Variants in IL15 observed in about 807,000 individuals in gnomAD.
IL15 encodes interleukin 15.
In IL15, 11 loss-of-function variants were observed where a neutral mutation model predicts 19.6. The ratio of observed to expected loss-of-function variants is 0.56; its 90% CI spans 0.35 to 0.93. IL15 has a LOEUF of 0.93. IL15 is among the 40% of genes least tolerant of loss of function. The pLI is 0.01. For missense variants in IL15, 197 were observed against 186.5 expected (o/e 1.06, Z -0.33); for synonymous variants, 58 against 59.6 (o/e 0.97, Z 0.12).
intron 2 of IL15, among the ~76,000 whole-genome samples, chr4:141,690,868 A>G (rs932633667): frequency 1.3e-5 from 2 of 152,112 alleles, no homozygotes; most frequent in Admixed American, 6.5e-5. Flanking sequence ...GGTGTGCTTC[A>G]TGTTTCATGC....
At chr4:141,688,807 C>T (rs1476078241) in intron 2 of IL15, 1 of 154,304 alleles carries the variant, frequency 6.5e-6, no homozygotes, top group Non-Finnish European at 1.4e-5. Flanking sequence ...CAGATCAGTC[C>T]TGTCTTGTTT....
chr4:141,719,267 G>C (rs1729991622), intron 2 of IL15, 99 bp from the exon 3 acceptor site: 1 of 471,608 alleles, frequency 2.1e-6, no homozygotes, highest in Non-Finnish European at 3.8e-6. Flanking sequence ...AACTAATAGA[G>C]TGCTTATTAA....
At chr4:141,637,225 G>A (rs1726890708) in intron 1 of IL15, 1 of 152,402 alleles carries the variant, frequency 6.6e-6, no homozygotes, top group Non-Finnish European at 1.5e-5. Context: ...CCAAGAAAAG[G>A]TACCGCAGCT....
At chr4:141,721,668 A>G (rs1730085934) in intron 4 of IL15, 1 of 534,300 alleles carries the variant, frequency 1.9e-6, no homozygotes, top group Non-Finnish European at 3.4e-6. Flanking sequence ...GAGCCAGTTT[A>G]TTTATAAAGT....
chr4:141,684,023 A>G (rs1355714596), intron 2 of IL15, among the ~76,000 whole-genome samples: 1 of 152,198 alleles, frequency 6.6e-6, no homozygotes, highest in Non-Finnish European at 1.5e-5. Flanking sequence ...CACTTATGGA[A>G]GCAACAGTAA....
chr4:141,652,346 A>G (rs558491320), intron 1 of IL15, among the ~76,000 whole-genome samples: 5 of 152,234 alleles, frequency 3.3e-5, no homozygotes, highest in African/African-American at 7.2e-5. Context: ...ATAAAAGATA[A>G]GTTCTGCTGT....
chr4:141,647,810 C>T (rs1484008870), intron 1 of IL15, among the ~76,000 whole-genome samples: 1 of 152,004 alleles, frequency 6.6e-6, no homozygotes, highest in East Asian at 1.9e-4. Context: ...TCCTGTCTTG[C>T]CTGACACCTT....
At chr4:141,689,835 G>C (rs1728847149) in intron 2 of IL15, among the ~76,000 whole-genome samples, 1 of 152,244 alleles carries the variant, frequency 6.6e-6, no homozygotes, top group East Asian at 1.9e-4. Flanking sequence ...GGAGCTGCCT[G>C]CCAGTCCTGC....
At chr4:141,674,527 A>G (rs770071327) in intron 2 of IL15, among the ~76,000 whole-genome samples, 103 of 152,226 alleles carry the variant, frequency 6.8e-4, no homozygotes, top group Non-Finnish European at 2.2e-4. Flanking sequence ...CGGAGATTGC[A>G]GTGAGCCAAG....
At chr4:141,717,342 C>T (rs751631342) in intron 2 of IL15, 8 of 152,138 alleles carry the variant, frequency 5.3e-5, no homozygotes, top group Admixed American at 4.6e-4. Context: ...TTAGGTATCT[C>T]TTTAGGCACT....
At chr4:141,716,562 T>C (rs1172774363) in intron 2 of IL15, 1 of 152,412 alleles carries the variant, frequency 6.6e-6, no homozygotes, top group Non-Finnish European at 1.5e-5. Context: ...TGCTGACTTA[T>C]TTGGGGCACA....
intron 2 of IL15, among the ~76,000 whole-genome samples, chr4:141,693,016 CAAAAAAAAA>C (rs70949131): frequency 0.029 from 683 of 23,252 alleles, 39 homozygotes; most frequent in African/African-American, 0.094. Flanking sequence ...GACTCCGTCT[CAAAAAAAAA>C]AAAAAAAAAA....
chr4:141,721,030 T>C lies in IL15; in HGVS notation c.110+464T>C, dbSNP rs1254778084. 1.0e-5 allele frequency: 7 copies of C among 682,864 alleles called. No individual in the cohort carries two copies. The South Asian group carries it at 1.3e-4, about 13-fold the overall frequency. The allele number at this position is 682,864 out of a possible 1,614,324, so 42.3% of individuals were successfully genotyped here. A position where few individuals can be genotyped will look rare whatever the true frequency, so the allele number is the denominator to read the frequency against. ...TTCTAATAAAATTCATATGTTTCCA[T>C]GACTATTAACTTTTTTCTTCTCTCT... On this transcript the variant is annotated intron_variant, in intron 4 of 7. Transcript: ENST00000320650.
intron 2 of IL15, among the ~76,000 whole-genome samples, chr4:141,673,909 A>T (rs1429072982): frequency 1.3e-5 from 2 of 152,198 alleles, no homozygotes; most frequent in African/African-American, 4.8e-5. Context: ...TTGTACTTTG[A>T]TATCTATGAA....
chr4:141,675,510 T>G (rs1440522414), intron 2 of IL15, among the ~76,000 whole-genome samples: 1 of 152,188 alleles, frequency 6.6e-6, no homozygotes, highest in East Asian at 1.9e-4. Context: ...TCCAGTAAAT[T>G]GCATACTGAA....
chr4:141,664,694 G>T (rs936590371), intron 2 of IL15, among the ~76,000 whole-genome samples: 5 of 152,176 alleles, frequency 3.3e-5, no homozygotes, highest in African/African-American at 1.2e-4. Context: ...TTCTAAATTT[G>T]CTTGCGTTTT....
chr4:141,725,332 A>T (rs756097972), intron 5 of IL15, among the ~76,000 whole-genome samples: 8 of 152,204 alleles, frequency 5.3e-5, no homozygotes. Context: ...GGGTCAGTTA[A>T]AATGAGGTCA....
At chr4:141,695,535 A>C (rs1021881770) in intron 2 of IL15, among the ~76,000 whole-genome samples, 1 of 151,828 alleles carries the variant, frequency 6.6e-6, no homozygotes, top group Admixed American at 6.6e-5. Context: ...GCTGCGATAA[A>C]CATGGGATTT....
intron 2 of IL15, among the ~76,000 whole-genome samples, chr4:141,696,562 C>T (rs1729102536): frequency 6.6e-6 from 1 of 152,010 alleles, no homozygotes; most frequent in African/African-American, 2.4e-5. Flanking sequence ...TTCATGAACA[C>T]TGGATAGCTT....
Sources: gnomAD v4.1 joint callset for allele counts (sites outside exome capture counted in the v4.1 genomes callset) on GRCh38, gnomAD v4.1.1 for gene constraint, MANE v1.5 for transcripts, NCBI Gene and HGNC (gene_info 2026-07-23, HGNC 2026-07-21) for gene names.